JPH1: variants seen among roughly 807,000 people sequenced by gnomAD.
The protein encoded by JPH1 is junctophilin-1.
A neutral mutation model predicts 53.6 loss-of-function variants in JPH1; 12 were observed. That is an observed-to-expected ratio of 0.22 (90% CI 0.14 to 0.36). JPH1 has a LOEUF of 0.36. Ranked by LOEUF, JPH1 falls within the 10% of genes least tolerant of loss-of-function variation. The probability of loss-of-function intolerance (pLI) is 1.00; values close to 1 mark genes in which losing one functional copy is unlikely to be tolerated. For missense variants in JPH1, 808 were observed against 905.5 expected, an observed-to-expected ratio of 0.89 and a Z score of 1.38; for synonymous variants, 375 against 363.8, an observed-to-expected ratio of 1.03 and a Z score of -0.35.
At chr8:74,311,005 G>A (rs1273911540) in intron 2 of JPH1, among the ~76,000 whole-genome samples, 12 of 152,216 alleles carry the variant, frequency 7.9e-5, no homozygotes, top group African/African-American at 2.9e-4. Flanking sequence ...TGAAATTGGG[G>A]GCCTTCAGTC....
chr8:74,254,995 G>T (rs1401909568), intron 3 of JPH1, among the ~76,000 whole-genome samples: 1 of 152,066 alleles, frequency 6.6e-6, no homozygotes, highest in Admixed American at 6.5e-5. Flanking sequence ...ATTCAATGCT[G>T]TCCCCATCAA....
intron 2 of JPH1, among the ~76,000 whole-genome samples, chr8:74,306,406 AC>A (rs529391982): frequency 6.6e-6 from 1 of 151,094 alleles, no homozygotes; most frequent in Non-Finnish European, 1.5e-5. Flanking sequence ...TAGACTAGGC[AC>A]CCCCCCTTTC....
chr8:74,278,839 ACT>A (rs1365364614), intron 2 of JPH1, among the ~76,000 whole-genome samples: 1 of 152,108 alleles, frequency 6.6e-6, no homozygotes, highest in Non-Finnish European at 1.5e-5. Flanking sequence ...AAGCTGTGTG[ACT>A]CTGGCAGACC....
At chr8:74,311,920 T>C (rs182517533) in intron 2 of JPH1, among the ~76,000 whole-genome samples, 2 of 152,170 alleles carry the variant, frequency 1.3e-5, no homozygotes, top group South Asian at 2.1e-4. Context: ...CAGTCTATCA[T>C]TGTTGGGCAT....
rs1002761108 is a variant in JPH1 at position 74,260,718 on chromosome 8, C to T, written c.1140-1215G>A. Among the ~76,000 whole-genome samples, 3 of 152,218 alleles carry T rather than the reference C, an allele frequency of 2.0e-5. 1 individual carries two copies. Among genetic ancestry groups the T allele is most frequent in the African/African-American group, 7.2e-5 (3 of 41,548 alleles). On this transcript the variant is annotated intron_variant, in intron 2 of 5. Coordinates refer to ENST00000342232, the MANE Select transcript of JPH1 (RefSeq NM_020647.4). The stretch of plus-strand genomic sequence containing the variant: ...AGCTCCTGGGACCAAAACACGGAGG[C>T]ACCGGGCCTGGCCTGAGACAAGGGG...
At chr8:74,242,750 C>T (rs1367859732) in intron 4 of JPH1, among the ~76,000 whole-genome samples, 3 of 152,206 alleles carry the variant, frequency 2.0e-5, no homozygotes, top group Admixed American at 6.5e-5. Flanking sequence ...AGGGTAGCTG[C>T]GGAGCTGCTG....
At position 74,320,750 on chromosome 8, in the gene JPH1, G is replaced by A. The variant is rs1448034808; in HGVS notation, c.379+159C>T. Among the ~76,000 whole-genome samples the A allele has an allele frequency of 6.6e-6, 1 of 152,146 alleles. No individual in the cohort carries two copies. The highest frequency in any genetic ancestry group is 1.5e-5 in the Non-Finnish European group (1 of 68,006). ...CCAGTCCGGTCCCAGCGCCCTCTCT[G>A]GGAAAGGCGGGCGCGGGCGCGGGGG... On this transcript the variant is annotated intron_variant, in intron 1 of 5. Transcript: ENST00000342232. This position sits in a 1 kb window ranked among gnomAD's most constrained non-coding sequence, Gnocchi z 4.4.
chr8:74,257,378 T>C (rs749367132), intron 3 of JPH1, among the ~76,000 whole-genome samples: 1 of 152,202 alleles, frequency 6.6e-6, no homozygotes, highest in African/African-American at 2.4e-5. Flanking sequence ...AGATGATCTT[T>C]CGTATCATTT....
intron 2 of JPH1, among the ~76,000 whole-genome samples, chr8:74,273,012 C>T (rs1806751118): frequency 6.6e-6 from 1 of 152,214 alleles, no homozygotes; most frequent in South Asian, 2.1e-4. Flanking sequence ...TCTATCTTGG[C>T]TCTCAAAGTC....
intron 4 of JPH1, among the ~76,000 whole-genome samples, chr8:74,240,392 T>C (rs937737774): frequency 2.0e-5 from 3 of 151,958 alleles, no homozygotes; most frequent in Non-Finnish European, 2.9e-5. Context: ...AAACATCCCC[T>C]CTTCTCCCCT....
intron 2 of JPH1, among the ~76,000 whole-genome samples, chr8:74,284,941 C>T (rs532239783): frequency 2.4e-4 from 36 of 152,106 alleles, no homozygotes; most frequent in African/African-American, 8.7e-4. Context: ...TCTCCTGCCT[C>T]AGCCTCCTGA....
At position 74,244,735 on chromosome 8, in the gene JPH1, C is replaced by A; in HGVS notation, c.1699G>T (p.Val567Leu). The A allele has an allele frequency of 1.9e-6, 3 of 1,614,130 alleles. No individual in the cohort carries two copies. The South Asian group carries it at 3.3e-5, about 18-fold the overall frequency. Residue 567 changes from valine (V) to leucine (L), a missense_variant, in exon 4 of 6, where the codon GTG (valine) becomes TTG (leucine). Transcript: ENST00000342232. ...LNAPQHPPVD[V>L]EDGDGSSQSS... ...TGGCTGGATCCATCGCCGTCCTCCA[C>A]GTCTACTGGAGGGTGCTGGGGGGCG... is the stretch of plus-strand genomic sequence containing the variant.
At chr8:74,244,042 G>A (rs1278687836) in intron 4 of JPH1, among the ~76,000 whole-genome samples, 2 of 152,226 alleles carry the variant, frequency 1.3e-5, no homozygotes, top group Non-Finnish European at 2.9e-5. Context: ...ACGTATGTAT[G>A]AGAAGAATTC....
chr8:74,254,543 G>A (rs1473401986), intron 3 of JPH1, among the ~76,000 whole-genome samples: 1 of 152,038 alleles, frequency 6.6e-6, no homozygotes, highest in African/African-American at 2.4e-5. Flanking sequence ...GTTCTGGCCA[G>A]GGCAATCAGG....
At chr8:74,254,016 A>T (rs1383008701) in intron 3 of JPH1, among the ~76,000 whole-genome samples, 1 of 152,144 alleles carries the variant, frequency 6.6e-6, no homozygotes, top group Non-Finnish European at 1.5e-5. Context: ...CAATAGAAAA[A>T]GAGGGAATCC....
chr8:74,309,146 G>A (rs1807919041), intron 2 of JPH1, among the ~76,000 whole-genome samples: 1 of 152,128 alleles, frequency 6.6e-6, no homozygotes, highest in Non-Finnish European at 1.5e-5. Context: ...TTGGCAAAAG[G>A]AGCAGCATAG....
At chr8:74,260,114 C>G (rs768058788) in intron 2 of JPH1, among the ~76,000 whole-genome samples, 1 of 152,174 alleles carries the variant, frequency 6.6e-6, no homozygotes, top group African/African-American at 2.4e-5. Context: ...AGGAGCAAAC[C>G]ACAAGGCCCG....
In JPH1 at chr8:74,315,569, C is replaced by T; in HGVS notation, c.431G>A (p.Arg144His). Reference protein sequence around the residue: ...AGGMRHGYGVRQSVPYGMATV... With the variant: ...AGGMRHGYGVHQSVPYGMATV... ...GGCCATGCCGTAGGGCACGCTCTGGCGCACGCCGTAGCCATGCCGCATGCC... is the reference window on the plus strand; with the variant it reads ...GGCCATGCCGTAGGGCACGCTCTGGTGCACGCCGTAGCCATGCCGCATGCC... Residue 144 changes from arginine to histidine, a missense_variant, in exon 2 of 6, where the codon CGC (arginine) becomes CAC (histidine). Around this residue, in one of 2 missense-constraint regions of JPH1, gnomAD observed 756 missense variants for 811.9 expected, o/e 0.93. Transcript: ENST00000342232. This position sits in a 1 kb window ranked among gnomAD's most constrained non-coding sequence, Gnocchi z 6.3. 2 of 1,605,394 alleles carry T rather than the reference C, an allele frequency of 1.2e-6. No individual in the cohort carries two copies. The highest frequency in any genetic ancestry group is 1.7e-6 in the Non-Finnish European group (2 of 1,178,504).
intron 2 of JPH1, among the ~76,000 whole-genome samples, chr8:74,293,108 T>A (rs1807387044): frequency 6.6e-6 from 1 of 152,174 alleles, no homozygotes; most frequent in African/African-American, 2.4e-5. Flanking sequence ...ATTTACTCTT[T>A]TCCAGAATTT....
Sources: allele counts gnomAD v4.1 joint callset (sites outside exome capture counted in the v4.1 genomes callset), GRCh38; gene constraint gnomAD v4.1.1; regional missense constraint gnomAD v4.1.1; non-coding constraint Gnocchi (gnomAD v3.1); transcripts MANE v1.5; gene names NCBI Gene and HGNC (gene_info 2026-07-23, HGNC 2026-07-21).